PALLD: variants seen among roughly 807,000 people sequenced by gnomAD.
PALLD encodes the protein palladin.
In PALLD, 61 loss-of-function variants were observed where a neutral mutation model predicts 123.5. The observed-to-expected ratio is 0.49, with a 90% confidence interval of 0.40 to 0.61. The LOEUF is 0.61. PALLD is among the 20% of genes least tolerant of loss of function. PALLD has a pLI of 0.00. For missense variants in PALLD, 1,273 were observed against 1,377.0 expected (o/e 0.92, Z 1.20); for synonymous variants, 465 against 496.4 (o/e 0.94, Z 0.84).
intron 2 of PALLD, among the ~76,000 whole-genome samples, chr4:168,548,842 G>A (rs760287843): frequency 9.9e-5 from 15 of 152,130 alleles, no homozygotes; most frequent in Admixed American, 2.6e-4. Context: ...TTTGAGGAGC[G>A]TGGTAAATAA....
chr4:168,674,270 G>A (rs11933816), intron 3 of PALLD, among the ~76,000 whole-genome samples: 50,387 of 151,948 alleles, frequency 0.33, 8,845 homozygotes, highest in African/African-American at 0.45. Flanking sequence ...GTGTCAGGCC[G>A]GTAGTTGCAA....
In PALLD at chr4:168,771,136, C is replaced by T. The variant is rs114615823; in HGVS notation, c.1964+59213C>T. Among the ~76,000 whole-genome samples the T allele has an allele frequency of 7.6e-3, 1,156 of 151,898 alleles. 4 individuals are homozygous for T. The highest frequency in any genetic ancestry group is 0.012 in the South Asian group (57 of 4,806). On this transcript the variant is annotated intron_variant, in intron 10 of 21. Coordinates refer to ENST00000505667, the MANE Select transcript of PALLD (RefSeq NM_001166108.2). ...CAAATACATGTTCCTCCAAAGGTCT[C>T]AATGTTCTTATCTCAAAATACACAT... is the stretch of plus-strand genomic sequence containing the variant.
chr4:168,593,679 T>C (rs1771684861), intron 2 of PALLD, among the ~76,000 whole-genome samples: 1 of 152,028 alleles, frequency 6.6e-6, no homozygotes, highest in Non-Finnish European at 1.5e-5. Context: ...ATACAGGAAG[T>C]CCCCAATTTT....
intron 2 of PALLD, among the ~76,000 whole-genome samples, chr4:168,626,892 C>T (rs955626765): frequency 6.6e-6 from 1 of 152,010 alleles, no homozygotes; most frequent in Non-Finnish European, 1.5e-5. Context: ...GTGATTAAAG[C>T]AGTCAAAGTC....
intron 10 of PALLD, among the ~76,000 whole-genome samples, chr4:168,728,022 G>C (rs1454889947): frequency 6.6e-6 from 1 of 151,966 alleles, no homozygotes; most frequent in African/African-American, 2.4e-5. Context: ...ATGGTTGTTT[G>C]TGGCTTTATT....
At chr4:168,530,877 T>G (rs1764535534) in intron 2 of PALLD, among the ~76,000 whole-genome samples, 2 of 152,184 alleles carry the variant, frequency 1.3e-5, no homozygotes, top group Non-Finnish European at 2.9e-5. Context: ...TTCTCAGCTT[T>G]CTCTTTTATC....
chr4:168,785,846 G>C (rs113026070), intron 10 of PALLD, among the ~76,000 whole-genome samples: 1 of 80,898 alleles, frequency 1.2e-5, no homozygotes, highest in South Asian at 4.3e-4. Flanking sequence ...AAACTGTAGA[G>C]ATATATATAT....
At chr4:168,572,710 G>A (rs2149614256) in intron 2 of PALLD, among the ~76,000 whole-genome samples, 1 of 151,940 alleles carries the variant, frequency 6.6e-6, no homozygotes, top group Admixed American at 6.5e-5. Context: ...TTCATCAGCA[G>A]GTCCCATTGG....
At chr4:168,574,714 C>T (rs1306112073) in intron 2 of PALLD, among the ~76,000 whole-genome samples, 1 of 152,042 alleles carries the variant, frequency 6.6e-6, no homozygotes, top group Admixed American at 6.6e-5. Context: ...AAAGAAATAT[C>T]AAGTACCAAC....
intron 10 of PALLD, among the ~76,000 whole-genome samples, chr4:168,807,926 G>T (rs975266121): frequency 6.6e-6 from 1 of 150,996 alleles, no homozygotes; most frequent in African/African-American, 2.4e-5. Context: ...AGCTGGTCTC[G>T]AACTTCTGAC....
intron 1 of PALLD, among the ~76,000 whole-genome samples, chr4:168,498,208 C>T (rs935405567): frequency 5.9e-5 from 9 of 152,068 alleles, no homozygotes; most frequent in African/African-American, 2.2e-4. Flanking sequence ...GTTTATCTGG[C>T]CACTAACTGC....
intron 10 of PALLD, among the ~76,000 whole-genome samples, chr4:168,787,695 G>A (rs1581469601): frequency 6.6e-6 from 1 of 152,130 alleles, no homozygotes; most frequent in Non-Finnish European, 1.5e-5. Context: ...GTATAAAAAG[G>A]CACTTTTCAC....
intron 2 of PALLD, among the ~76,000 whole-genome samples, chr4:168,519,737 T>C (rs190189388): frequency 6.6e-6 from 1 of 152,214 alleles, no homozygotes; most frequent in East Asian, 1.9e-4. Context: ...AATTTGAAAA[T>C]GAACAAGTGC....
intron 2 of PALLD, among the ~76,000 whole-genome samples, chr4:168,657,053 G>A (rs1428529611): frequency 6.6e-6 from 1 of 152,146 alleles, no homozygotes; most frequent in Non-Finnish European, 1.5e-5. Flanking sequence ...ATGTATGCTA[G>A]GTATTAAATG....
chr4:168,639,513 A>T (rs987150770), intron 2 of PALLD, among the ~76,000 whole-genome samples: 5 of 151,608 alleles, frequency 3.3e-5, no homozygotes, highest in African/African-American at 1.2e-4. Context: ...TTCACTCCTC[A>T]ATAGGCTACA....
chr4:168,803,677 C>G (rs928711011), intron 10 of PALLD, among the ~76,000 whole-genome samples: 2 of 109,512 alleles, frequency 1.8e-5, no homozygotes, highest in Non-Finnish European at 3.8e-5. Context: ...AGAGTGAGAC[C>G]CTGTCTCAAA....
intron 1 of PALLD, among the ~76,000 whole-genome samples, chr4:168,506,725 C>G (rs1374347016): frequency 2.6e-5 from 4 of 152,188 alleles, no homozygotes; most frequent in African/African-American, 9.6e-5. Flanking sequence ...CTTTTCAAAA[C>G]AAACCACCAC....
At chr4:168,600,275 A>T (rs1054394903) in intron 2 of PALLD, among the ~76,000 whole-genome samples, 6 of 152,318 alleles carry the variant, frequency 3.9e-5, no homozygotes, top group South Asian at 2.1e-4. Context: ...TACATGTTCT[A>T]CCATTCCTAG....
At chr4:168,771,785 C>G (rs1734488289) in intron 10 of PALLD, among the ~76,000 whole-genome samples, 1 of 152,084 alleles carries the variant, frequency 6.6e-6, no homozygotes, top group African/African-American at 2.4e-5. Flanking sequence ...CTTTGGGGAC[C>G]CTGGATGTTT....
Sources: gnomAD v4.1 joint callset for allele counts (sites outside exome capture counted in the v4.1 genomes callset) on GRCh38, gnomAD v4.1.1 for gene constraint, MANE v1.5 for transcripts, NCBI Gene and HGNC (gene_info 2026-07-23, HGNC 2026-07-21) for gene names.